Variants in DLGAP2 observed in about 807,000 individuals in gnomAD.
The protein encoded by DLGAP2 is DLG associated protein 2, also known as disks large-associated protein 2.
In DLGAP2, 26 loss-of-function variants were observed where a neutral mutation model predicts 100.3. That is an observed-to-expected ratio of 0.26 (90% CI 0.19 to 0.36). The LOEUF is 0.36. Among genes scored for constraint, DLGAP2 ranks in the 10% least tolerant of loss-of-function variants. The pLI is 1.00. For missense variants in DLGAP2, 1,858 were observed against 1,453.2 expected, an observed-to-expected ratio of 1.28 and a Z score of -4.53; for synonymous variants, 886 against 630.1, an observed-to-expected ratio of 1.41 and a Z score of -6.08.
intron 3 of DLGAP2, among the ~76,000 whole-genome samples, chr8:1,487,551 G>A (rs1799261815): frequency 6.6e-6 from 1 of 152,266 alleles, no homozygotes; most frequent in African/African-American, 2.4e-5. Flanking sequence ...CTACTGAAGT[G>A]AAGGATGTGC....
chr8:1,563,433 G>A (rs368030469), intron 5 of DLGAP2, among the ~76,000 whole-genome samples: 17 of 70,210 alleles, frequency 2.4e-4, no homozygotes, highest in African/African-American at 5.2e-4. Flanking sequence ...TGGGGTGTCC[G>A]CGCCTCGTTA....
chr8:1,621,222 GGTTATA>G (rs1563261795), intron 6 of DLGAP2: 11 of 152,444 alleles, frequency 7.2e-5, no homozygotes, highest in African/African-American at 2.6e-4. Flanking sequence ...GCCCAGTCCT[GGTTATA>G]GCAAAGGACG....
At chr8:1,617,841 G>T (rs778201945) in intron 6 of DLGAP2, among the ~76,000 whole-genome samples, 1 of 152,108 alleles carries the variant, frequency 6.6e-6, no homozygotes, top group Non-Finnish European at 1.5e-5. Context: ...TAACCCAAAA[G>T]AAAGCAAAAA....
intron 4 of DLGAP2, among the ~76,000 whole-genome samples, chr8:1,539,644 A>G (rs541651084): frequency 4.7e-5 from 7 of 150,482 alleles, no homozygotes; most frequent in Non-Finnish European, 7.4e-5. Flanking sequence ...CGCCCTCACC[A>G]GGAGCTGTGA....
At chr8:1,321,233 G>T (rs535428614) in intron 3 of DLGAP2, among the ~76,000 whole-genome samples, 17 of 151,332 alleles carry the variant, frequency 1.1e-4, no homozygotes, top group African/African-American at 3.4e-4. Context: ...GTGTGCATCT[G>T]TGTCTCTGCA....
intron 2 of DLGAP2, among the ~76,000 whole-genome samples, chr8:1,133,781 T>TTTAATTTG (rs1585091721): frequency 6.6e-6 from 1 of 152,222 alleles, no homozygotes; most frequent in Non-Finnish European, 1.5e-5. Context: ...CACAGTAGTA[T>TTTAATTTG]TTAATTTGTA....
intron 1 of DLGAP2, among the ~76,000 whole-genome samples, chr8:760,572 T>C (rs1472390323): frequency 1.3e-5 from 2 of 152,214 alleles, no homozygotes; most frequent in African/African-American, 4.8e-5. Flanking sequence ...GCATTTTCCT[T>C]TCCTGAGTTT....
intron 2 of DLGAP2, among the ~76,000 whole-genome samples, chr8:927,533 C>T (rs2091166684): frequency 6.6e-6 from 1 of 152,142 alleles, no homozygotes; most frequent in South Asian, 2.1e-4. Context: ...GTCCCTCACC[C>T]AGAGAGGGCA....
At chr8:794,893 G>A (rs77114923) in intron 1 of DLGAP2, among the ~76,000 whole-genome samples, 1,700 of 152,222 alleles carry the variant, frequency 0.011, 23 homozygotes, top group African/African-American at 0.035. Context: ...GCTGCAGGAC[G>A]GGGTCCCTGG....
chr8:1,506,523 G>A (rs181426292), intron 4 of DLGAP2, among the ~76,000 whole-genome samples: 295 of 152,292 alleles, frequency 1.9e-3, no homozygotes, highest in African/African-American at 6.9e-3. Context: ...TAAAAGGAGT[G>A]CGGACCCAAA....
At chr8:752,439 A>G (rs562007839) in intron 1 of DLGAP2, among the ~76,000 whole-genome samples, 3 of 152,332 alleles carry the variant, frequency 2.0e-5, no homozygotes, top group South Asian at 2.1e-4. Flanking sequence ...CAGTCAGGCA[A>G]GAAGCACAGA....
At chr8:1,206,068 T>A (rs1797983344) in intron 2 of DLGAP2, among the ~76,000 whole-genome samples, 1 of 152,158 alleles carries the variant, frequency 6.6e-6, no homozygotes, top group African/African-American at 2.4e-5. Flanking sequence ...TCAGTCGGGA[T>A]ATCTCTGAGC....
In DLGAP2 at chr8:837,603, C is replaced by A. The variant is rs972250529; in HGVS notation, c.19-70309C>A. Reference sequence around the variant, plus strand: ...CAGGCCGCAGGCAGCGGTCTCTGGTCCATCCTGGCTTCCCAGGCTGGCTGC... The same window carrying A: ...CAGGCCGCAGGCAGCGGTCTCTGGTACATCCTGGCTTCCCAGGCTGGCTGC... On this transcript the variant is annotated intron_variant, in intron 1 of 14. Coordinates refer to ENST00000637795, the MANE Select transcript of DLGAP2 (RefSeq NM_001346810.2). Among the ~76,000 whole-genome samples the A allele has an allele frequency of 2.0e-5, 3 of 151,956 alleles. 1 individual carries two copies. The East Asian group carries it at 5.8e-4, about 29-fold the overall frequency.
At chr8:1,426,485 G>C (rs1178127910) in intron 3 of DLGAP2, among the ~76,000 whole-genome samples, 1 of 152,136 alleles carries the variant, frequency 6.6e-6, no homozygotes, top group Non-Finnish European at 1.5e-5. Context: ...AAAGATCCCA[G>C]AGGTCGACAG....
intron 1 of DLGAP2, among the ~76,000 whole-genome samples, chr8:831,538 C>T (rs1212227980): frequency 2.0e-5 from 3 of 152,112 alleles, no homozygotes; most frequent in East Asian, 1.9e-4. Context: ...CTGCAAAGGA[C>T]GTGAACTCAT....
intron 1 of DLGAP2, among the ~76,000 whole-genome samples, chr8:812,094 C>T (rs148310244): frequency 5.3e-5 from 8 of 152,194 alleles, no homozygotes; most frequent in Admixed American, 3.3e-4. Context: ...TCCTCCATCT[C>T]TGCAAGAGGG....
intron 2 of DLGAP2, among the ~76,000 whole-genome samples, chr8:1,194,419 G>A (rs143936889): frequency 5.3e-5 from 8 of 152,272 alleles, no homozygotes; most frequent in South Asian, 2.1e-4. Context: ...AGGCAGAGCT[G>A]GAGGCTCCTC....
intron 3 of DLGAP2, among the ~76,000 whole-genome samples, chr8:1,415,596 G>C (rs571991258): frequency 6.6e-6 from 1 of 152,246 alleles, no homozygotes; most frequent in African/African-American, 2.4e-5. Context: ...ATTCACTTGG[G>C]ACTAAGGCCC....
At position 1,639,855 on chromosome 8, in the gene DLGAP2, C is replaced by T. The variant is rs138540290; in HGVS notation, c.1810+6809C>T. On this transcript the variant is annotated intron_variant, in intron 8 of 14. Transcript: ENST00000637795. ...TCCAAGCCTCCTCGTCTGACTCTGA[C>T]CCCCTCCCTTCCTCATGTAAGGACC... Among the ~76,000 whole-genome samples the T allele has an allele frequency of 8.6e-3, 1,313 of 152,320 alleles. 20 individuals carry two copies. The highest frequency in any genetic ancestry group is 0.03 in the African/African-American group (1,243 of 41,560).
Sources: allele counts gnomAD v4.1 joint callset (sites outside exome capture counted in the v4.1 genomes callset), GRCh38; gene constraint gnomAD v4.1.1; transcripts MANE v1.5; gene names NCBI Gene and HGNC (gene_info 2026-07-23, HGNC 2026-07-21).